Variants in PTPRF observed in about 807,000 individuals in gnomAD.
PTPRF encodes the protein receptor-type tyrosine-protein phosphatase F.
In PTPRF, 59 loss-of-function variants were observed where a neutral mutation model predicts 201.8. The ratio of observed to expected loss-of-function variants is 0.29; its 90% CI spans 0.24 to 0.36. PTPRF has a LOEUF of 0.36. Among genes scored for constraint, PTPRF ranks in the 10% least tolerant of loss-of-function variants. The probability of loss-of-function intolerance (pLI) is 1.00; values close to 1 mark genes in which losing one functional copy is unlikely to be tolerated. For missense variants in PTPRF, 2,132 were observed against 2,690.5 expected (o/e 0.79, Z 4.59); for synonymous variants, 1,088 against 1,089.7 (o/e 1.00, Z 0.03).
chr1:43,531,916 T>A (rs1643583216), intron 1 of PTPRF, among the ~76,000 whole-genome samples: 1 of 152,168 alleles, frequency 6.6e-6, no homozygotes, highest in African/African-American at 2.4e-5. Flanking sequence ...CGTCTCTGCC[T>A]CCCCGTGTCA....
intron 3 of PTPRF, among the ~76,000 whole-genome samples, chr1:43,551,243 G>T (rs963693618): frequency 6.6e-6 from 1 of 151,928 alleles, no homozygotes; most frequent in Non-Finnish European, 1.5e-5. Flanking sequence ...ACCCTGAGCT[G>T]CTTTGTGGAG....
At chr1:43,543,387 G>T (rs115251163) in intron 2 of PTPRF, among the ~76,000 whole-genome samples, 3 of 152,358 alleles carry the variant, frequency 2.0e-5, no homozygotes, top group African/African-American at 7.2e-5. Context: ...TCCCCAGCTT[G>T]GTGTAAATGG....
intron 3 of PTPRF, among the ~76,000 whole-genome samples, chr1:43,552,206 C>T (rs1645080766): frequency 6.6e-6 from 1 of 152,220 alleles, no homozygotes; most frequent in Non-Finnish European, 1.5e-5. Flanking sequence ...CCCTCATCGC[C>T]TCCCAGTCAT....
intron 5 of PTPRF, among the ~76,000 whole-genome samples, chr1:43,563,551 G>A (rs868251133): frequency 6.6e-6 from 1 of 152,226 alleles, no homozygotes. Context: ...AGGTTCCTGA[G>A]AGACTGGAGG....
chr1:43,620,356 T>C (rs891983937), intron 30 of PTPRF, 98 bp from the exon 31 acceptor site: 1 of 1,521,282 alleles, frequency 6.6e-7, no homozygotes, highest in South Asian at 1.2e-5. Flanking sequence ...GCGCCCGTTA[T>C]TACTACCTGA....
chr1:43,592,990 C>T (rs1413213957), intron 11 of PTPRF, among the ~76,000 whole-genome samples: 1 of 152,198 alleles, frequency 6.6e-6, no homozygotes, highest in Non-Finnish European at 1.5e-5. Flanking sequence ...TGTTTCTCCT[C>T]CCTATGGCCC....
Position 43,605,306 on chromosome 1 carries a change from A to G in PTPRF, c.3252A>G (p.Ala1084=), listed in dbSNP as rs762432692. ...SFVLMNRGSS[A]GGLQHLVSIR... Reference sequence around the variant, plus strand: ...TGCTGATGAACCGTGGCAGCAGCGCAGGGGGCCTGCAGCACCTGGTGTCCA... The same window carrying G: ...TGCTGATGAACCGTGGCAGCAGCGCGGGGGGCCTGCAGCACCTGGTGTCCA... The change falls in exon 18 of 34, where the codon GCA becomes GCG. Residue 1084 remains alanine, a synonymous_variant. Transcript: ENST00000359947. 38 of 1,613,362 alleles carry G rather than the reference A, an allele frequency of 2.4e-5. No individual in the cohort carries two copies. Among genetic ancestry groups the G allele is most frequent in the African/African-American group, 4.0e-5 (3 of 74,954 alleles).
intron 5 of PTPRF, among the ~76,000 whole-genome samples, chr1:43,568,294 C>CAA (rs61593463): frequency 1.1e-4 from 10 of 90,122 alleles, no homozygotes; most frequent in East Asian, 3.2e-4. Flanking sequence ...GACTCCATCT[C>CAA]AAAAAAAAAA....
intron 5 of PTPRF, among the ~76,000 whole-genome samples, chr1:43,559,145 G>A (rs1645609214): frequency 6.6e-6 from 1 of 152,260 alleles, no homozygotes; most frequent in Non-Finnish European, 1.5e-5. Flanking sequence ...TGTGTGCCAT[G>A]TTTAAGGCAG....
chr1:43,573,288 C>G (rs1037085057), intron 6 of PTPRF, among the ~76,000 whole-genome samples: 2 of 152,132 alleles, frequency 1.3e-5, no homozygotes, highest in East Asian at 3.9e-4. Flanking sequence ...CAGGCTGTGC[C>G]GAGCCTGGAC....
intron 8 of PTPRF, 32 bp downstream of exon 8, chr1:43,589,032 T>C: frequency 6.6e-7 from 1 of 1,503,874 alleles, no homozygotes; most frequent in Non-Finnish European, 8.9e-7. Flanking sequence ...ACCAGTGCCC[T>C]CCCTGTCATC....
chr1:43,563,177 CA>C (rs61595608), intron 5 of PTPRF, among the ~76,000 whole-genome samples: 93 of 134,128 alleles, frequency 6.9e-4, no homozygotes, highest in East Asian at 2.8e-3. Context: ...GACTCCATCT[CA>C]AAAAAAAAAA....
In PTPRF at chr1:43,619,069, G is replaced by A. The variant is rs190997680; in HGVS notation, c.4513G>A (p.Glu1505Lys). Residue 1505 changes from glutamate to lysine, a missense_variant, in exon 27 of 34, where the codon GAG becomes AAG. By Grantham distance (56) the Glu-to-Lys change is moderately conservative (BLOSUM62 1). Coordinates refer to ENST00000359947, the MANE Select transcript of PTPRF (RefSeq NM_002840.5). ...LHKSGSSEKR[E>K]LRQFQFMAWP... ...CCAGAGTGGCTCCAGTGAGAAGCGCGAGCTGCGTCAGTTTCAGTTCATGGC... is the reference window on the plus strand; with the variant it reads ...CCAGAGTGGCTCCAGTGAGAAGCGCAAGCTGCGTCAGTTTCAGTTCATGGC... The A allele has an allele frequency of 7.4e-6, 12 of 1,613,920 alleles. No individual in the cohort carries two copies. Among genetic ancestry groups the A allele is most frequent in the Admixed American group, 3.3e-5 (2 of 60,016 alleles).
intron 5 of PTPRF, among the ~76,000 whole-genome samples, chr1:43,569,230 C>G (rs4660736): frequency 7.3e-5 from 9 of 123,956 alleles, no homozygotes; most frequent in Non-Finnish European, 1.5e-4. Flanking sequence ...CCCCCCCCCC[C>G]ACCCCCTGCA....
chr1:43,548,724 C>T (rs1213754655), intron 3 of PTPRF, among the ~76,000 whole-genome samples: 1 of 152,176 alleles, frequency 6.6e-6, no homozygotes. Flanking sequence ...CAGGAACAGT[C>T]ACAGGAGCTC....
rs560540102 is a variant in PTPRF, at chr1:43,583,135, C to T, written c.679+4215C>T. 9 of 977,006 alleles carry T rather than the reference C, an allele frequency of 9.2e-6. 1 individual carries two copies. The highest frequency in any genetic ancestry group is 7.0e-5 in the African/African-American group (4 of 57,180). The allele number at this position is 977,006 out of a possible 1,614,324, so 60.5% of individuals were successfully genotyped here. On this transcript the variant is annotated intron_variant, in intron 7 of 33. Transcript: ENST00000359947. ...TCTTATCCATCTACAGTTCGCCCAT[C>T]GATGGGACACGCCTGTCAGTAGGGC...
Position 43,605,224 on chromosome 1 carries a change from G to A in PTPRF, c.3170G>A (p.Gly1057Glu), listed in dbSNP as rs776291761. 5.6e-6 allele frequency: 9 copies of A among 1,605,240 alleles called. No individual in the cohort carries two copies. In the Admixed American group the frequency reaches 1.2e-4, roughly 21 times the overall value. ...LYNGQSVEVD[G>E]HSMRKLIADL... The stretch of plus-strand genomic sequence containing the variant: ...AATGGGCAGAGTGTGGAGGTGGACG[G>A]GCACTCGATGCGGAAGCTGATCGCA... The change falls in exon 18 of 34, where the codon GGG (glycine) becomes GAG (glutamate). Residue 1057 changes from glycine (G) to glutamate (E), a missense_variant. Physicochemically the swap from Gly to Glu is moderately conservative, Grantham distance 98. This residue lies in a region of PTPRF where 818 missense variants were observed against 915.3 expected (regional missense o/e 0.89). Coordinates refer to ENST00000359947, the MANE Select transcript of PTPRF (RefSeq NM_002840.5).
intron 13 of PTPRF, among the ~76,000 whole-genome samples, chr1:43,600,871 C>T (rs958595261): frequency 2.2e-4 from 33 of 152,100 alleles, no homozygotes; most frequent in African/African-American, 8.0e-4. Flanking sequence ...TTTCATCCTC[C>T]GTCCTTCCCT....
chr1:43,620,334 G>T (rs1236836789), intron 30 of PTPRF, 113 bp downstream of exon 30: 1 of 1,541,238 alleles, frequency 6.5e-7, no homozygotes, highest in Non-Finnish European at 8.8e-7. Flanking sequence ...CTGCTTGTCA[G>T]CATGGCCTCA....
Sources: gnomAD v4.1 joint callset for allele counts (sites outside exome capture counted in the v4.1 genomes callset) on GRCh38, gnomAD v4.1.1 for gene constraint, gnomAD v4.1.1 regional missense constraint, MANE v1.5 for transcripts, NCBI Gene and HGNC (gene_info 2026-07-23, HGNC 2026-07-21) for gene names.